The following SLC27A2 variants were observed in gnomAD, a reference collection of about 807,000 sequenced individuals.
The protein encoded by SLC27A2 is solute carrier family 27 member 2.
SLC27A2 carries 54 observed loss-of-function variants against 60.0 expected under a neutral mutation model. The ratio of observed to expected loss-of-function variants is 0.90; its 90% CI spans 0.72 to 1.13. The LOEUF (loss-of-function observed/expected upper bound fraction) is 1.13. Ranked by LOEUF, SLC27A2 falls within the 50% of genes most tolerant of loss-of-function variation. The pLI is 0.00. For synonymous variants in SLC27A2, 297 were observed against 297.6 expected, an observed-to-expected ratio of 1.00 and a Z score of 0.02; for missense variants, 739 against 777.6, an observed-to-expected ratio of 0.95 and a Z score of 0.59.
chr15:50,222,921 C>A, intron 4 of SLC27A2, 44 bp from the exon 5 acceptor site: 1 of 1,455,868 alleles, frequency 6.9e-7, no homozygotes, highest in Non-Finnish European at 9.4e-7. Context: ...AGCATAGGCT[C>A]CAGAGATGTT....
chr15:50,215,497 G>A (rs565729319), intron 4 of SLC27A2, among the ~76,000 whole-genome samples: 6 of 152,078 alleles, frequency 3.9e-5, no homozygotes, highest in East Asian at 3.9e-4. Context: ...AAAAGAGCCC[G>A]CATAGCCAAA....
At chr15:50,224,530 C>A (rs1197311834) in intron 5 of SLC27A2, among the ~76,000 whole-genome samples, 1 of 152,172 alleles carries the variant, frequency 6.6e-6, no homozygotes, top group Non-Finnish European at 1.5e-5. Flanking sequence ...TAATTGTTAG[C>A]CGTAATGATG....
At chr15:50,230,568 A>G (rs1417210116) in intron 8 of SLC27A2, among the ~76,000 whole-genome samples, 1 of 152,160 alleles carries the variant, frequency 6.6e-6, no homozygotes, top group Non-Finnish European at 1.5e-5. Context: ...ATATTCAAGA[A>G]TATCTCTTGC....
At position 50,182,812 on chromosome 15, in the gene SLC27A2, T is replaced by G; in HGVS notation, c.385T>G (p.Cys129Gly). The change falls in exon 1 of 10, where the codon TGT becomes GGT. Residue 129 changes from cysteine (C) to glycine (G), a missense_variant. Coordinates refer to ENST00000267842, the MANE Select transcript of SLC27A2 (RefSeq NM_003645.4). ...WLWLGLVKLG[C>G]AMACLNYNIR... ...GTGGCTGGGGCTGGTGAAGCTGGGCTGTGCCATGGCGTGCCTCAATTACAA... is the reference window on the plus strand; with the variant it reads ...GTGGCTGGGGCTGGTGAAGCTGGGCGGTGCCATGGCGTGCCTCAATTACAA... 1.2e-6 allele frequency: 2 copies of G among 1,613,622 alleles called. No homozygotes were observed. Among genetic ancestry groups the G allele is most frequent in the Non-Finnish European group, 1.7e-6 (2 of 1,179,960 alleles).
chr15:50,222,785 C>T lies in SLC27A2; in HGVS notation c.973-180C>T, dbSNP rs114737794. Among the ~76,000 whole-genome samples, 746 of 152,142 alleles carry T rather than the reference C, an allele frequency of 4.9e-3. 9 individuals carry two copies. The highest frequency in any genetic ancestry group is 0.032 in the East Asian group (166 of 5,184). On this transcript the variant is annotated intron_variant, in intron 4 of 9. Coordinates refer to ENST00000267842, the MANE Select transcript of SLC27A2 (RefSeq NM_003645.4). The stretch of plus-strand genomic sequence containing the variant: ...CTGCTTGTGCTAGAGGAATAGGGAA[C>T]GATGTGTGTGGGTGGCAGGAAAAAG...
At chr15:50,216,615 T>C (rs1396149050) in intron 4 of SLC27A2, among the ~76,000 whole-genome samples, 12 of 9,220 alleles carry the variant, frequency 1.3e-3, no homozygotes, top group Non-Finnish European at 2.2e-3. Flanking sequence ...TGTGTGTATA[T>C]ATATATATAT....
intron 9 of SLC27A2, among the ~76,000 whole-genome samples, chr15:50,235,376 A>G (rs13329489): frequency 0.16 from 24,593 of 152,164 alleles, 2,118 homozygotes; most frequent in African/African-American, 0.21. Flanking sequence ...CCCACCATGA[A>G]TCAGGATATC....
At chr15:50,184,738 G>A (rs1043512457) in intron 1 of SLC27A2, among the ~76,000 whole-genome samples, 13 of 152,246 alleles carry the variant, frequency 8.5e-5, no homozygotes, top group Non-Finnish European at 2.9e-5. Context: ...CTGGGAGGCT[G>A]AGGCAGGAGA....
rs776563283 is a variant in SLC27A2, at chr15:50,225,985, T to C, written c.1168-3T>C. The C allele has an allele frequency of 2.8e-5, 44 of 1,550,986 alleles. No individual in the cohort carries two copies. The East Asian group carries it at 9.2e-4, about 32-fold the overall frequency. On this transcript the variant is annotated splice_region_variant and splice_polypyrimidine_tract_variant and intron_variant, in intron 5 of 9. Coordinates refer to ENST00000267842, the MANE Select transcript of SLC27A2 (RefSeq NM_003645.4). ...ATACTCAAAATTATTTTAATCTTGC[T>C]AGAAAATCATAACTTATGACCTGAT...
intron 8 of SLC27A2, among the ~76,000 whole-genome samples, chr15:50,233,555 C>T (rs566352598): frequency 6.6e-6 from 1 of 152,300 alleles, no homozygotes; most frequent in East Asian, 1.9e-4. Flanking sequence ...GTCTTTAAGC[C>T]TCAGTTTCTT....
chr15:50,186,673 G>A (rs761092797), intron 1 of SLC27A2, among the ~76,000 whole-genome samples: 2 of 152,104 alleles, frequency 1.3e-5, no homozygotes, highest in African/African-American at 2.4e-5. Context: ...TCTTGACCTC[G>A]TGATCCACCT....
At chr15:50,199,493 G>A (rs1006330987) in intron 2 of SLC27A2, among the ~76,000 whole-genome samples, 59 of 128,070 alleles carry the variant, frequency 4.6e-4, no homozygotes, top group East Asian at 9.3e-4. Context: ...AAAAAAAAAA[G>A]AAAGAAAAAA....
intron 1 of SLC27A2, among the ~76,000 whole-genome samples, chr15:50,195,100 C>T (rs964493415): frequency 1.3e-5 from 2 of 151,902 alleles, no homozygotes; most frequent in African/African-American, 4.8e-5. Flanking sequence ...AATTGATAGG[C>T]CAAGAACTAG....
chr15:50,229,228 A>G (rs573150604), intron 8 of SLC27A2, among the ~76,000 whole-genome samples, 186 bp downstream of exon 8: 1 of 152,318 alleles, frequency 6.6e-6, no homozygotes, highest in African/African-American at 2.4e-5. Flanking sequence ...GCATCTGAAC[A>G]TGGCCTTCTC....
intron 4 of SLC27A2, among the ~76,000 whole-genome samples, chr15:50,220,076 C>T (rs541498311): frequency 8.5e-5 from 13 of 152,266 alleles, no homozygotes; most frequent in African/African-American, 3.1e-4. Context: ...CCATTTGTGC[C>T]CACAAACATT....
intron 5 of SLC27A2, among the ~76,000 whole-genome samples, chr15:50,224,388 C>G (rs2045265035): frequency 6.6e-6 from 1 of 152,074 alleles, no homozygotes; most frequent in Non-Finnish European, 1.5e-5. Flanking sequence ...TGCAGTGAGT[C>G]GAGATCGCGC....
At chr15:50,189,388 C>T (rs958634566) in intron 1 of SLC27A2, among the ~76,000 whole-genome samples, 1 of 152,054 alleles carries the variant, frequency 6.6e-6, no homozygotes, top group Non-Finnish European at 1.5e-5. Flanking sequence ...CTGGAAAGGA[C>T]CTGTGAGTAG....
intron 2 of SLC27A2, among the ~76,000 whole-genome samples, chr15:50,201,700 C>T (rs2045064877): frequency 6.6e-6 from 1 of 151,982 alleles, no homozygotes; most frequent in Non-Finnish European, 1.5e-5. Context: ...GGACTATAGG[C>T]ACCCACCACC....
chr15:50,201,812 C>A (rs942273504), intron 2 of SLC27A2, among the ~76,000 whole-genome samples: 2 of 152,172 alleles, frequency 1.3e-5, no homozygotes, highest in Non-Finnish European at 2.9e-5. Context: ...GCCTCAGCCT[C>A]CCAAAGTGTT....
Sources: allele counts gnomAD v4.1 joint callset (sites outside exome capture counted in the v4.1 genomes callset), GRCh38; gene constraint gnomAD v4.1.1; transcripts MANE v1.5; gene names NCBI Gene and HGNC (gene_info 2026-07-23, HGNC 2026-07-21).